PELI2: variants seen among roughly 807,000 people sequenced by gnomAD.
PELI2 encodes the protein pellino E3 ubiquitin protein ligase family member 2.
Under a neutral mutation model 42.3 loss-of-function variants are expected in PELI2, and 23 were observed. That is an observed-to-expected ratio of 0.54 (90% CI 0.39 to 0.77). PELI2 has a LOEUF of 0.77. Ranked by LOEUF, PELI2 falls within the 30% of genes least tolerant of loss-of-function variation. The probability of loss-of-function intolerance (pLI) is 0.00; values close to 1 mark genes in which losing one functional copy is unlikely to be tolerated. For missense variants in PELI2, 463 were observed against 553.2 expected (o/e 0.84, Z 1.64); for synonymous variants, 245 against 212.2 (o/e 1.15, Z -1.34).
intron 2 of PELI2, among the ~76,000 whole-genome samples, chr14:56,205,191 C>T: frequency 6.6e-6 from 1 of 151,958 alleles, no homozygotes; most frequent in East Asian, 1.9e-4. Flanking sequence ...GAACATGGAG[C>T]GCTGGAGAAG....
At position 56,288,392 on chromosome 14, in the gene PELI2, C is replaced by G. The variant is rs774960859; in HGVS notation, c.310-45C>G. ...TTTCCTTGTGAATAAAATACGGCAC[C>G]CTGCTATTTTCCAAGTGAATCACGA... is the stretch of plus-strand genomic sequence containing the variant. On this transcript the variant is annotated intron_variant, in intron 3 of 5. Transcript: ENST00000267460. The surrounding 1 kb of genome is among the most constrained non-coding windows in gnomAD (Gnocchi z 4.6). The G allele has an allele frequency of 3.5e-6, 5 of 1,441,806 alleles. No homozygotes were observed. Among genetic ancestry groups the G allele is most frequent in the East Asian group, 2.3e-5 (1 of 43,706 alleles). 89.3% of individuals were successfully genotyped at this position (1,441,806 alleles called of 1,614,324 possible).
At chr14:56,121,735 C>T (rs991879547) in intron 1 of PELI2, among the ~76,000 whole-genome samples, 52 of 152,192 alleles carry the variant, frequency 3.4e-4, no homozygotes, top group African/African-American at 1.3e-3. Context: ...ATTCCTCCTC[C>T]TCCTCTCTGT....
intron 2 of PELI2, among the ~76,000 whole-genome samples, chr14:56,253,411 G>A (rs1208111455): frequency 2.6e-5 from 4 of 152,146 alleles, no homozygotes; most frequent in Non-Finnish European, 5.9e-5. Flanking sequence ...AAGTCACATT[G>A]CCTCTGTTTG....
chr14:56,180,673 C>T lies in PELI2; in HGVS notation c.207+2209C>T, dbSNP rs565810977. Among the ~76,000 whole-genome samples the T allele has an allele frequency of 5.6e-4, 85 of 152,122 alleles. No individual in the cohort carries two copies. The highest frequency in any genetic ancestry group is 1.9e-3 in the African/African-American group (78 of 41,480). ...AACTCTCGTCCCGGCCAGCTGTACC[C>T]GGCCACTCCTGCTGCTTGGTTTGCT... On this transcript the variant is annotated intron_variant, in intron 2 of 5. Coordinates refer to ENST00000267460, the MANE Select transcript of PELI2 (RefSeq NM_021255.3). This position sits in a 1 kb window ranked among gnomAD's most constrained non-coding sequence, Gnocchi z 4.4.
chr14:56,144,667 T>C (rs1293426574), intron 1 of PELI2, among the ~76,000 whole-genome samples: 1 of 152,210 alleles, frequency 6.6e-6, no homozygotes, highest in Non-Finnish European at 1.5e-5. Flanking sequence ...ATGATAGATA[T>C]GATTATAAAA....
intron 1 of PELI2, among the ~76,000 whole-genome samples, chr14:56,131,717 A>G (rs1883490979): frequency 6.6e-6 from 1 of 152,182 alleles, no homozygotes; most frequent in Non-Finnish European, 1.5e-5. Context: ...CCAAATCTTC[A>G]TCACCTTAGT....
intron 2 of PELI2, among the ~76,000 whole-genome samples, chr14:56,211,769 C>T (rs1886720187): frequency 6.6e-6 from 1 of 151,244 alleles, no homozygotes; most frequent in African/African-American, 2.4e-5. Context: ...AATTCCAAGT[C>T]GCGGGTGGTG....
chr14:56,155,795 GA>G (rs1884543674), intron 1 of PELI2, among the ~76,000 whole-genome samples: 1 of 152,140 alleles, frequency 6.6e-6, no homozygotes, highest in East Asian at 1.9e-4. Flanking sequence ...ATGTTAGCCA[GA>G]ATGGTCTTGA....
chr14:56,156,401 GA>G (rs1345431877), intron 1 of PELI2, among the ~76,000 whole-genome samples: 2 of 152,176 alleles, frequency 1.3e-5, no homozygotes, highest in Non-Finnish European at 2.9e-5. Flanking sequence ...AGCAGAGAGA[GA>G]GAGAGAGTTT....
chr14:56,267,659 GC>G (rs1459596932), intron 2 of PELI2, among the ~76,000 whole-genome samples: 2 of 152,026 alleles, frequency 1.3e-5, no homozygotes, highest in African/African-American at 4.8e-5. Context: ...CTAGAATGTG[GC>G]CTTATTGATC....
At chr14:56,282,686 A>G (rs1319696333) in intron 3 of PELI2, among the ~76,000 whole-genome samples, 1 of 152,078 alleles carries the variant, frequency 6.6e-6, no homozygotes, top group East Asian at 1.9e-4. Flanking sequence ...GTTTGGGCAA[A>G]ATACTAAATG....
intron 2 of PELI2, among the ~76,000 whole-genome samples, chr14:56,228,254 A>C (rs1443657362): frequency 6.6e-6 from 1 of 152,178 alleles, no homozygotes; most frequent in African/African-American, 2.4e-5. Context: ...AGCCATACTG[A>C]TCTATCTTGC....
At position 56,118,667 on chromosome 14, in the gene PELI2, T is replaced by C; in HGVS notation, c.7T>C (p.Ser3Pro). ...GGCGGCCGAGCGGGGCTCCATGTTT[T>C]CCCCTGGCCAGGAGGAACACTGCGC... Reference protein sequence around the residue: MFSPGQEEHCAPN... With the variant: MFPPGQEEHCAPN... Residue 3 changes from serine (S) to proline (P), a missense_variant, in exon 1 of 6, where the codon TCC becomes CCC. Around this residue, in one of 3 missense-constraint regions of PELI2, gnomAD observed 343 missense variants for 378.4 expected, o/e 0.91. Coordinates refer to ENST00000267460, the MANE Select transcript of PELI2 (RefSeq NM_021255.3). The C allele has an allele frequency of 6.9e-7, 1 of 1,458,446 alleles. No individual in the cohort carries two copies. 90.3% of individuals were successfully genotyped at this position (1,458,446 alleles called of 1,614,324 possible).
intron 1 of PELI2, among the ~76,000 whole-genome samples, chr14:56,152,236 C>T (rs1164240077): frequency 6.6e-6 from 1 of 152,170 alleles, no homozygotes; most frequent in African/African-American, 2.4e-5. Context: ...AGTTCTGCCA[C>T]TTAAGGCTGT....
chr14:56,282,385 A>G (rs2139879347), intron 3 of PELI2, among the ~76,000 whole-genome samples: 1 of 152,208 alleles, frequency 6.6e-6, no homozygotes, highest in South Asian at 2.1e-4. Flanking sequence ...AATAATATGA[A>G]ATATTACATT....
intron 5 of PELI2, 62 bp from the exon 6 acceptor site, chr14:56,296,538 G>T (rs1452933607): frequency 6.2e-6 from 7 of 1,131,294 alleles, no homozygotes; most frequent in Middle Eastern, 2.1e-4. Flanking sequence ...TGAGAGGAAA[G>T]AATCTTGGAG....
intron 1 of PELI2, among the ~76,000 whole-genome samples, chr14:56,172,515 G>A (rs928220267): frequency 1.3e-5 from 2 of 152,224 alleles, no homozygotes; most frequent in Non-Finnish European, 2.9e-5. Flanking sequence ...GCCACACTGG[G>A]TTCCTTGATA....
rs951002334 is a variant in PELI2, at chr14:56,286,137, C to G, written c.310-2300C>G. On this transcript the variant is annotated intron_variant, in intron 3 of 5. Transcript: ENST00000267460. ...CCACAGAGTTTGAGAAGCTCCAGAA[C>G]GTGTGTGAAAGCTGATGGCATGATC... Among the ~76,000 whole-genome samples the G allele has an allele frequency of 2.0e-5, 3 of 152,050 alleles. No individual in the cohort carries two copies. In the East Asian group the frequency reaches 5.8e-4, roughly 29 times the overall value.
At chr14:56,271,337 A>G (rs533594775) in intron 2 of PELI2, among the ~76,000 whole-genome samples, 2 of 152,246 alleles carry the variant, frequency 1.3e-5, no homozygotes, top group South Asian at 4.1e-4. Context: ...ACTCAGACCT[A>G]CCCCCAAACA....
Sources: gnomAD v4.1 joint callset for allele counts (sites outside exome capture counted in the v4.1 genomes callset) on GRCh38, gnomAD v4.1.1 for gene constraint, gnomAD v4.1.1 regional missense constraint, Gnocchi (gnomAD v3.1) non-coding constraint, MANE v1.5 for transcripts, NCBI Gene and HGNC (gene_info 2026-07-23, HGNC 2026-07-21) for gene names.